The following EHMT1 variants were observed in gnomAD, a reference collection of about 807,000 sequenced individuals.
The protein encoded by EHMT1 is histone-lysine N-methyltransferase EHMT1.
In EHMT1, 15 loss-of-function variants were observed where a neutral mutation model predicts 147.2. The ratio of observed to expected loss-of-function variants is 0.10; its 90% CI spans 0.07 to 0.16. The LOEUF (loss-of-function observed/expected upper bound fraction) is 0.16. Among genes scored for constraint, EHMT1 ranks in the 10% least tolerant of loss-of-function variants. The probability of loss-of-function intolerance (pLI) is 1.00; values close to 1 mark genes in which losing one functional copy is unlikely to be tolerated. For missense variants in EHMT1, 1,587 were observed against 1,772.4 expected (o/e 0.90, Z 1.88); for synonymous variants, 795 against 709.6 (o/e 1.12, Z -1.91).
intron 3 of EHMT1, among the ~76,000 whole-genome samples, chr9:137,718,196 C>T (rs541353848): frequency 1.1e-4 from 17 of 151,992 alleles, no homozygotes; most frequent in African/African-American, 2.7e-4. Context: ...GCCCCTCACG[C>T]GCACCGTGCT....
chr9:137,647,143 C>T (rs1032182452), intron 1 of EHMT1, among the ~76,000 whole-genome samples: 3 of 152,160 alleles, frequency 2.0e-5, no homozygotes, highest in Non-Finnish European at 2.9e-5. Flanking sequence ...TTGGAGGACC[C>T]GCCTCTTAAG....
intron 14 of EHMT1, among the ~76,000 whole-genome samples, chr9:137,781,977 G>C (rs1000924482): frequency 1.3e-5 from 2 of 152,182 alleles, no homozygotes; most frequent in African/African-American, 2.4e-5. Flanking sequence ...GCCTCACTGG[G>C]CCTGGGGCGG....
chr9:137,729,213 G>A (rs961022521), intron 4 of EHMT1, among the ~76,000 whole-genome samples: 6 of 152,202 alleles, frequency 3.9e-5, no homozygotes, highest in African/African-American at 9.7e-5. Flanking sequence ...GCCGGCCCTC[G>A]TGAATGCTGC....
chr9:137,772,657 A>G (rs1318443724), intron 10 of EHMT1, among the ~76,000 whole-genome samples: 1 of 152,252 alleles, frequency 6.6e-6, no homozygotes, highest in Non-Finnish European at 1.5e-5. Flanking sequence ...TACCTGTTTC[A>G]GCTGCTTTCT....
intron 1 of EHMT1, among the ~76,000 whole-genome samples, chr9:137,650,369 G>A (rs1937662980): frequency 6.6e-6 from 1 of 152,056 alleles, no homozygotes; most frequent in African/African-American, 2.4e-5. Flanking sequence ...AAAGTGCTGG[G>A]ATTACAGATG....
chr9:137,807,654 C>T (rs909240209), intron 18 of EHMT1, among the ~76,000 whole-genome samples: 10 of 152,170 alleles, frequency 6.6e-5, no homozygotes, highest in African/African-American at 1.9e-4. Flanking sequence ...ATTACAGGCG[C>T]GCACGACCAC....
At chr9:137,805,294 A>G (rs1235387697) in intron 18 of EHMT1, among the ~76,000 whole-genome samples, 1 of 152,106 alleles carries the variant, frequency 6.6e-6, no homozygotes, top group Admixed American at 6.5e-5. Context: ...TGAGTCAGTC[A>G]TCTGCATGTC....
At chr9:137,657,340 C>T (rs1395244051) in intron 1 of EHMT1, among the ~76,000 whole-genome samples, 3 of 152,068 alleles carry the variant, frequency 2.0e-5, no homozygotes, top group Non-Finnish European at 4.4e-5. Flanking sequence ...TCTGTTTTAA[C>T]AGTGTCTTTC....
At chr9:137,642,068 G>C (rs1451727335) in intron 1 of EHMT1, among the ~76,000 whole-genome samples, 1 of 152,028 alleles carries the variant, frequency 6.6e-6, no homozygotes, top group Non-Finnish European at 1.5e-5. Flanking sequence ...CTGAACTCCT[G>C]ACCTCAGGTG....
chr9:137,623,212 CAAA>C (rs879493843), intron 1 of EHMT1, among the ~76,000 whole-genome samples: 3 of 112,664 alleles, frequency 2.7e-5, no homozygotes, highest in Non-Finnish European at 3.8e-5. Flanking sequence ...GACTCCGTCT[CAAA>C]AAAAAAAAAA....
chr9:137,710,096 A>G (rs1588284283), intron 1 of EHMT1, among the ~76,000 whole-genome samples: 1 of 150,766 alleles, frequency 6.6e-6, no homozygotes, highest in African/African-American at 2.4e-5. Context: ...GGAGTGTTTT[A>G]TGTGTTTATG....
At chr9:137,752,026 C>T (rs752498382) in intron 6 of EHMT1, among the ~76,000 whole-genome samples, 62 of 152,236 alleles carry the variant, frequency 4.1e-4, no homozygotes, top group Non-Finnish European at 7.5e-4. Context: ...CAGCACCCAG[C>T]GGGTGAGCTC....
chr9:137,769,036 A>G (rs1019841897), intron 10 of EHMT1, among the ~76,000 whole-genome samples: 8 of 152,102 alleles, frequency 5.3e-5, no homozygotes, highest in Non-Finnish European at 1.2e-4. Context: ...AATTTATTTC[A>G]ATATTGGCTT....
chr9:137,717,259 A>G, intron 3 of EHMT1, 77 bp downstream of exon 3: 1 of 1,546,098 alleles, frequency 6.5e-7, no homozygotes, highest in Non-Finnish European at 8.7e-7. Flanking sequence ...ACTTTGGTGC[A>G]TTGAGGAGAA....
In EHMT1 at chr9:137,669,051, T is replaced by A. The variant is rs1465174913; in HGVS notation, c.22-41916T>A. On this transcript the variant is annotated intron_variant, in intron 1 of 26. Transcript: ENST00000460843. ...ACGTGCGTGCGCCACTGACCCCCGCTAATTTTTCTATTTTTAGTACAGACG... is the reference window on the plus strand; with the variant it reads ...ACGTGCGTGCGCCACTGACCCCCGCAAATTTTTCTATTTTTAGTACAGACG... 3.3e-5 allele frequency among the ~76,000 whole-genome samples: 5 copies of A among 152,160 alleles called. No individual in the cohort carries two copies. In the East Asian group the frequency reaches 7.7e-4, roughly 23 times the overall value.
At chr9:137,768,350 T>G (rs1011133815) in intron 10 of EHMT1, among the ~76,000 whole-genome samples, 3 of 143,322 alleles carry the variant, frequency 2.1e-5, no homozygotes, top group South Asian at 2.3e-4. Flanking sequence ...TCTGTGTGTT[T>G]TTTTTTTTTT....
intron 10 of EHMT1, among the ~76,000 whole-genome samples, chr9:137,769,752 C>T (rs1950473241): frequency 6.6e-6 from 1 of 152,166 alleles, no homozygotes; most frequent in Admixed American, 6.6e-5. Flanking sequence ...TTAGGTTTCG[C>T]TGAGCTTCTT....
intron 15 of EHMT1, among the ~76,000 whole-genome samples, chr9:137,783,626 TA>T (rs1951731223): frequency 6.6e-6 from 1 of 152,228 alleles, no homozygotes; most frequent in African/African-American, 2.4e-5. Context: ...TTGTCAGCTG[TA>T]GGGTGATCTG....
In EHMT1 at chr9:137,731,654, G is replaced by A. The variant is rs779325460; in HGVS notation, c.823+3125G>A. On this transcript the variant is annotated intron_variant, in intron 4 of 26. Coordinates refer to ENST00000460843, the MANE Select transcript of EHMT1 (RefSeq NM_024757.5). This position sits in a 1 kb window ranked among gnomAD's most constrained non-coding sequence, Gnocchi z 4.3. ...CTGGTCATAAACCTCTGCAGCCAGC[G>A]GCGCCTCTGCTTGAGTTTCACTTGC... Among the ~76,000 whole-genome samples, 24 of 152,232 alleles carry A rather than the reference G, an allele frequency of 1.6e-4. No homozygotes were observed. The highest frequency in any genetic ancestry group is 2.8e-4 in the Non-Finnish European group (19 of 68,010).
Sources: allele counts gnomAD v4.1 joint callset (sites outside exome capture counted in the v4.1 genomes callset), GRCh38; gene constraint gnomAD v4.1.1; non-coding constraint Gnocchi (gnomAD v3.1); transcripts MANE v1.5; gene names NCBI Gene and HGNC (gene_info 2026-07-23, HGNC 2026-07-21).